Variants in SNX29 observed in about 807,000 individuals in gnomAD.
The protein encoded by SNX29 is sorting nexin-29.
SNX29 carries 78 observed loss-of-function variants against 102.1 expected under a neutral mutation model. The ratio of observed to expected loss-of-function variants is 0.76; its 90% CI spans 0.64 to 0.92. The LOEUF (loss-of-function observed/expected upper bound fraction) is 0.92, where lower values mean the gene tolerates loss of function less well. Among genes scored for constraint, SNX29 ranks in the 40% least tolerant of loss-of-function variants. SNX29 has a pLI of 0.00. For missense variants in SNX29, 1,280 were observed against 1,061.7 expected (o/e 1.21, Z -2.86); for synonymous variants, 580 against 414.5 (o/e 1.40, Z -4.85).
chr16:12,159,598 A>G (rs1027107923), intron 13 of SNX29, among the ~76,000 whole-genome samples: 20 of 152,194 alleles, frequency 1.3e-4, no homozygotes, highest in African/African-American at 3.9e-4. Flanking sequence ...GGTAGCTCAC[A>G]CCTGTAATCC....
In SNX29 at chr16:12,535,367, C is replaced by G. The variant is rs761232443; in HGVS notation, c.2318+10526C>G. On this transcript the variant is annotated intron_variant, in intron 20 of 20. Coordinates refer to ENST00000566228, the MANE Select transcript of SNX29 (RefSeq NM_032167.5). Reference sequence around the variant, plus strand: ...GCCAGGCTGGTCTCGAACTCCTGGCCTCAAGTGATTCACCCATCTCGGCCT... The same window carrying G: ...GCCAGGCTGGTCTCGAACTCCTGGCGTCAAGTGATTCACCCATCTCGGCCT... 2.6e-5 allele frequency among the ~76,000 whole-genome samples: 4 copies of G among 152,176 alleles called. No individual in the cohort carries two copies. The East Asian group carries it at 5.8e-4, about 22-fold the overall frequency.
chr16:12,413,648 G>A (rs7190294), intron 18 of SNX29, among the ~76,000 whole-genome samples: 85,223 of 151,844 alleles, frequency 0.56, 24,446 homozygotes, highest in Non-Finnish European at 0.63. Flanking sequence ...TGCTGTGCAG[G>A]GGAGACAGCT....
At chr16:12,013,512 T>A (rs1159081601) in intron 3 of SNX29, among the ~76,000 whole-genome samples, 4,358 of 52,740 alleles carry the variant, frequency 0.083, 502 homozygotes, top group African/African-American at 0.094. Context: ...TATATATATA[T>A]ATATATATAT....
chr16:12,445,755 A>G (rs1292278464), intron 18 of SNX29, among the ~76,000 whole-genome samples: 1 of 152,218 alleles, frequency 6.6e-6, no homozygotes, highest in Non-Finnish European at 1.5e-5. Flanking sequence ...GACACTCAGC[A>G]TGGCGTCTAC....
At chr16:12,016,188 C>G (rs763079309) in intron 3 of SNX29, among the ~76,000 whole-genome samples, 107 of 152,276 alleles carry the variant, frequency 7.0e-4, no homozygotes, top group Non-Finnish European at 9.3e-4. Context: ...TTTTAAAAGG[C>G]TACATTGCAT....
At chr16:11,977,362 C>T (rs1004578893) in intron 1 of SNX29, 1 of 153,062 alleles carries the variant, frequency 6.5e-6, no homozygotes, top group Non-Finnish European at 1.5e-5. Context: ...TTGTCTTCCC[C>T]ATCCCTCTCA....
rs910445652 is a variant in SNX29, at chr16:12,489,390, C to T, written c.2178+11531C>T. On this transcript the variant is annotated intron_variant, in intron 19 of 20. Transcript: ENST00000566228. ...CAGGCTGGAGGAATCCTCTCCCTTT[C>T]TCTCGTCCTTCTCTGCAGTGTCATG... 3.3e-5 allele frequency among the ~76,000 whole-genome samples: 5 copies of T among 152,186 alleles called. No individual in the cohort carries two copies. The South Asian group carries it at 8.3e-4, about 25-fold the overall frequency.
intron 13 of SNX29, among the ~76,000 whole-genome samples, chr16:12,168,967 G>T (rs1052323944): frequency 1.3e-5 from 2 of 152,182 alleles, no homozygotes; most frequent in African/African-American, 4.8e-5. Context: ...ACCTGCACGT[G>T]CTGGGGAGAG....
At position 12,272,980 on chromosome 16, in the gene SNX29, A is replaced by G. The variant is rs571711331; in HGVS notation, c.1679-4953A>G. 3.5e-4 allele frequency among the ~76,000 whole-genome samples: 54 copies of G among 152,362 alleles called. No homozygotes were observed. The South Asian group carries it at 0.011, about 32-fold the overall frequency. ...GCACAGTCATATCATCATTTTGGTT[A>G]GATCAGTATTCAGTGATTACATTAT... is the stretch of plus-strand genomic sequence containing the variant. On this transcript the variant is annotated intron_variant, in intron 14 of 20. Coordinates refer to ENST00000566228, the MANE Select transcript of SNX29 (RefSeq NM_032167.5).
intron 14 of SNX29, among the ~76,000 whole-genome samples, chr16:12,246,584 G>T (rs962002909): frequency 1.3e-5 from 2 of 152,158 alleles, no homozygotes; most frequent in African/African-American, 2.4e-5. Context: ...AAGTTGTAGT[G>T]AGCCGAGATC....
At chr16:12,220,208 C>T (rs936173559) in intron 14 of SNX29, among the ~76,000 whole-genome samples, 2 of 152,092 alleles carry the variant, frequency 1.3e-5, no homozygotes, top group African/African-American at 4.8e-5. Flanking sequence ...GTGGCTGGAT[C>T]CAGGTGCTCA....
chr16:12,149,724 A>G (rs185576375), intron 13 of SNX29, among the ~76,000 whole-genome samples: 2 of 152,362 alleles, frequency 1.3e-5, no homozygotes, highest in East Asian at 1.9e-4. Flanking sequence ...GGATTGAATT[A>G]CATAATGCAG....
At chr16:12,198,125 A>G (rs2076823982) in intron 13 of SNX29, among the ~76,000 whole-genome samples, 1 of 152,140 alleles carries the variant, frequency 6.6e-6, no homozygotes, top group Admixed American at 6.5e-5. Context: ...CCTGTCATAG[A>G]GACTCTGAGT....
chr16:12,468,887 G>C (rs1015434017), intron 18 of SNX29, among the ~76,000 whole-genome samples: 1 of 152,216 alleles, frequency 6.6e-6, no homozygotes, highest in Non-Finnish European at 1.5e-5. Context: ...GTGTCAGCGG[G>C]GTGGGAAGGC....
At chr16:12,298,171 G>A (rs754416134) in intron 15 of SNX29, among the ~76,000 whole-genome samples, 17 of 152,126 alleles carry the variant, frequency 1.1e-4, no homozygotes, top group Non-Finnish European at 2.1e-4. Flanking sequence ...CTCTGTTTCA[G>A]AAAGAAAAGA....
chr16:12,164,879 G>A (rs1248345287), intron 13 of SNX29, among the ~76,000 whole-genome samples: 1 of 151,878 alleles, frequency 6.6e-6, no homozygotes, highest in African/African-American at 2.4e-5. Context: ...GTAGAGACAG[G>A]GTTTTACCAT....
intron 3 of SNX29, among the ~76,000 whole-genome samples, chr16:12,011,489 G>C (rs1437908840): frequency 6.6e-6 from 1 of 151,860 alleles, no homozygotes; most frequent in African/African-American, 2.4e-5. Flanking sequence ...TGGCCAGGCT[G>C]TTCTCAAACT....
chr16:12,134,886 T>C (rs759823893), intron 13 of SNX29, among the ~76,000 whole-genome samples: 12 of 152,214 alleles, frequency 7.9e-5, no homozygotes, highest in Non-Finnish European at 1.6e-4. Context: ...TCGTAAGGTA[T>C]TGGCTCATAT....
At chr16:12,305,253 A>G (rs1427848070) in intron 15 of SNX29, among the ~76,000 whole-genome samples, 2 of 152,348 alleles carry the variant, frequency 1.3e-5, no homozygotes, top group East Asian at 3.9e-4. Context: ...AGGAGAGGCC[A>G]CCTGACAAGT....
Sources: gnomAD v4.1 joint callset for allele counts (sites outside exome capture counted in the v4.1 genomes callset) on GRCh38, gnomAD v4.1.1 for gene constraint, MANE v1.5 for transcripts, NCBI Gene and HGNC (gene_info 2026-07-23, HGNC 2026-07-21) for gene names.